GSDME: variants seen among roughly 807,000 people sequenced by gnomAD.
GSDME encodes gasdermin E, also known as gasdermin-E.
Under a neutral mutation model 47.5 loss-of-function variants are expected in GSDME, and 44 were observed. The observed-to-expected ratio is 0.93, with a 90% CI of 0.73 to 1.19. The LOEUF is 1.19. Ranked by LOEUF, GSDME falls within the 50% of genes most tolerant of loss-of-function variation. The probability of loss-of-function intolerance (pLI) is 0.00; values close to 1 mark genes in which losing one functional copy is unlikely to be tolerated. For missense variants in GSDME, 663 were observed against 604.2 expected (o/e 1.10, Z -1.02); for synonymous variants, 258 against 252.8 (o/e 1.02, Z -0.20).
At chr7:24,701,758 T>G (rs1305429794) in intron 9 of GSDME, among the ~76,000 whole-genome samples, 1 of 152,242 alleles carries the variant, frequency 6.6e-6, no homozygotes, top group African/African-American at 2.4e-5. Flanking sequence ...AGTTCCATTT[T>G]TGCAGTCAGT....
Position 24,705,964 on chromosome 7 carries a change from A to C in GSDME, c.1183+220T>G. On this transcript the variant is annotated intron_variant, in intron 8 of 9. Transcript: ENST00000645220. The surrounding 1 kb of genome is among the most constrained non-coding windows in gnomAD (Gnocchi z 4.1). Reference sequence around the variant, plus strand: ...GGAGGAGGGAGAAGGGCCCTCCGGGAGAGTAGGGAGGCTTGTGCTGGATGG... The same window carrying C: ...GGAGGAGGGAGAAGGGCCCTCCGGGCGAGTAGGGAGGCTTGTGCTGGATGG... 1.6e-6 allele frequency: 1 copy of C among 621,886 alleles called. No homozygotes were observed. Among genetic ancestry groups the C allele is most frequent in the Non-Finnish European group, 2.9e-6 (1 of 349,830 alleles). 38.5% of individuals were successfully genotyped at this position (621,886 alleles called of 1,614,324 possible).
In GSDME at chr7:24,749,650, CTCT is replaced by C. The variant is rs748682263; in HGVS notation, c.122_124del (p.Lys41del). 7.6e-5 allele frequency: 122 copies of C among 1,614,000 alleles called. No homozygotes were observed. Among genetic ancestry groups the C allele is most frequent in the Non-Finnish European group, 9.7e-5 (114 of 1,180,026 alleles). Reference sequence around the variant, plus strand: ...CTTGGGTCTCTGCCAGCACCAGAATCTCTTCTTTTTTGTCACCAGACTTAGAAG... The same window carrying C: ...CTTGGGTCTCTGCCAGCACCAGAATCTCTTTTTTGTCACCAGACTTAGAAG... On this transcript the variant is annotated inframe_deletion, in exon 2 of 10. Transcript: ENST00000645220.
intron 3 of GSDME, among the ~76,000 whole-genome samples, chr7:24,723,826 T>TATGTA (rs1789877765): frequency 6.6e-6 from 1 of 152,242 alleles, no homozygotes; most frequent in African/African-American, 2.4e-5. Context: ...ATATCTTGCC[T>TATGTA]ATGTAACCAG....
chr7:24,732,645 T>C lies in GSDME; in HGVS notation c.404+11917A>G, dbSNP rs1790182575. ...GCTGTAGGAGGGAGAGCACAGCAAC[T>C]GTGGGACTTTGCATGGAACTCAGTG... On this transcript the variant is annotated intron_variant, in intron 3 of 9. Transcript: ENST00000645220. The surrounding 1 kb of genome is among the most constrained non-coding windows in gnomAD (Gnocchi z 4.8). 6.6e-6 allele frequency among the ~76,000 whole-genome samples: 1 copy of C among 152,196 alleles called. No homozygotes were observed. Among genetic ancestry groups the C allele is most frequent in the African/African-American group, 2.4e-5 (1 of 41,434 alleles).
intron 6 of GSDME, among the ~76,000 whole-genome samples, chr7:24,709,417 A>G (rs1317111881): frequency 6.6e-6 from 1 of 152,188 alleles, no homozygotes; most frequent in Non-Finnish European, 1.5e-5. Context: ...GGAAAGCCTT[A>G]TATTAAAATT....
chr7:24,727,119 G>A (rs1789994289), intron 3 of GSDME, among the ~76,000 whole-genome samples: 1 of 152,218 alleles, frequency 6.6e-6, no homozygotes, highest in Admixed American at 6.5e-5. Context: ...TTAAGTGGCA[G>A]TGTCTGCTTG....
chr7:24,784,428 A>G, the GSDME span, among the ~76,000 whole-genome samples: 6 of 152,142 alleles, frequency 3.9e-5, no homozygotes, highest in African/African-American at 1.2e-4. Flanking sequence ...GGAAGCCAAC[A>G]GTGCAGACTT....
upstream of GSDME, among the ~76,000 whole-genome samples, chr7:24,762,926 G>A (rs1034695403): frequency 1.3e-4 from 20 of 152,296 alleles, no homozygotes; most frequent in Non-Finnish European, 2.5e-4. Context: ...GGTTGTTGAG[G>A]TTGCCCTGAG....
Position 24,710,239 on chromosome 7 carries a change from T to A in GSDME, c.847A>T (p.Ser283Cys). Residue 283 changes from serine (S) to cysteine (C), a missense_variant, in exon 6 of 10, where the codon AGT becomes TGT. By Grantham distance (112) the Ser-to-Cys change is moderately radical. Coordinates refer to ENST00000645220, the MANE Select transcript of GSDME (RefSeq NM_001127453.2). Reference protein sequence around the residue: ...HGISSQDGPLSVLKQATLLLE... With the variant: ...HGISSQDGPLCVLKQATLLLE... ...CTGGCAATACCTTGCTTTAAAACAC[T>A]TAATGGTCCATCCTGGGAAGATATC... is the stretch of plus-strand genomic sequence containing the variant. The A allele has an allele frequency of 6.2e-7, 1 of 1,614,046 alleles. No homozygotes were observed. Among genetic ancestry groups the A allele is most frequent in the South Asian group, 1.1e-5 (1 of 91,078 alleles).
At chr7:24,790,820 C>T in the GSDME span, among the ~76,000 whole-genome samples, 1,705 of 152,276 alleles carry the variant, frequency 0.011, 18 homozygotes, top group South Asian at 0.024. The surrounding 1 kb of genome is among the most constrained non-coding windows in gnomAD (Gnocchi z 4.1). Context: ...GGTTCCAGCA[C>T]ATTTATAATA....
At chr7:24,719,591 G>A (rs1246488024) in intron 3 of GSDME, among the ~76,000 whole-genome samples, 2 of 151,996 alleles carry the variant, frequency 1.3e-5, no homozygotes, top group African/African-American at 4.8e-5. Flanking sequence ...TCAAGAGTTC[G>A]AGACCAGCCT....
rs1455074168 is a variant in GSDME at position 24,708,159 on chromosome 7, C to A, written c.958G>T (p.Asp320Tyr). The A allele has an allele frequency of 6.2e-7, 1 of 1,614,146 alleles. No individual in the cohort carries two copies. Residue 320 changes from aspartate to tyrosine, a missense_variant, in exon 7 of 10, where the codon GAT becomes TAT. By Grantham distance (160) the Asp-to-Tyr change is radical (BLOSUM62 -3). Coordinates refer to ENST00000645220, the MANE Select transcript of GSDME (RefSeq NM_001127453.2). Reference protein sequence around the residue: ...LSDIFQAVLFDDELLMVLEPV... With the variant: ...LSDIFQAVLFYDELLMVLEPV... ...TCCAGGACCATGAGTAGTTCATCAT[C>A]AAATAGGACCGCCTGGAAGATGTCA...
the GSDME span, among the ~76,000 whole-genome samples, chr7:24,787,083 C>G: frequency 6.6e-6 from 1 of 152,164 alleles, no homozygotes; most frequent in African/African-American, 2.4e-5. This position sits in a 1 kb window ranked among gnomAD's most constrained non-coding sequence, Gnocchi z 5.0. Flanking sequence ...CTGCTGGCAT[C>G]TACTCTCCAA....
At chr7:24,783,155 A>C in the GSDME span, among the ~76,000 whole-genome samples, 77 of 152,314 alleles carry the variant, frequency 5.1e-4, no homozygotes, top group African/African-American at 1.8e-3. Context: ...ACAGTGTCTT[A>C]ATATTTTTTA....
chr7:24,727,652 G>A (rs1263910421), intron 3 of GSDME, among the ~76,000 whole-genome samples: 1 of 152,198 alleles, frequency 6.6e-6, no homozygotes, highest in East Asian at 1.9e-4. Flanking sequence ...TAAACTCCTT[G>A]GCTTTGCCTT....
At chr7:24,758,805 T>C (rs780445201), upstream of GSDME, among the ~76,000 whole-genome samples, 1 of 152,184 alleles carries the variant, frequency 6.6e-6, no homozygotes, top group African/African-American at 2.4e-5. The surrounding 1 kb of genome is among the most constrained non-coding windows in gnomAD (Gnocchi z 4.6). Flanking sequence ...CACCATCTGA[T>C]AGACTGTGTG....
At chr7:24,740,764 ATTTAT>A (rs1562710387) in intron 3 of GSDME, among the ~76,000 whole-genome samples, 1 of 152,176 alleles carries the variant, frequency 6.6e-6, no homozygotes, top group East Asian at 1.9e-4. Context: ...GTTTCATATA[ATTTAT>A]TTAATTTGGA....
chr7:24,706,568 G>C (rs1789116295), intron 7 of GSDME, among the ~76,000 whole-genome samples, 192 bp from the exon 8 acceptor site: 1 of 152,230 alleles, frequency 6.6e-6, no homozygotes, highest in South Asian at 2.1e-4. Flanking sequence ...ACAGTAAGCT[G>C]AACCTGGCCC....
intron 5 of GSDME, among the ~76,000 whole-genome samples, chr7:24,715,940 C>T (rs1034850154): frequency 3.9e-5 from 6 of 152,216 alleles, no homozygotes; most frequent in African/African-American, 1.4e-4. Flanking sequence ...TGTGCCTCGC[C>T]TGTTTCTCCT....
Sources: gnomAD v4.1 joint callset for allele counts (sites outside exome capture counted in the v4.1 genomes callset) on GRCh38, gnomAD v4.1.1 for gene constraint, Gnocchi (gnomAD v3.1) non-coding constraint, MANE v1.5 for transcripts, NCBI Gene and HGNC (gene_info 2026-07-23, HGNC 2026-07-21) for gene names.